Variants in RERE observed in about 807,000 individuals in gnomAD.
RERE encodes arginine-glutamic acid dipeptide repeats protein.
A neutral mutation model predicts 146.1 loss-of-function variants in RERE; 40 were observed. That is an observed-to-expected ratio of 0.27 (90% CI 0.21 to 0.36). The LOEUF is 0.36. RERE is among the 10% of genes least tolerant of loss of function. The pLI, the probability that RERE is intolerant of heterozygous loss-of-function variation, is 1.00. For synonymous variants in RERE, 1,003 were observed against 866.0 expected, an observed-to-expected ratio of 1.16 and a Z score of -2.78; for missense variants, 1,933 against 2,138.7, an observed-to-expected ratio of 0.90 and a Z score of 1.90.
At chr1:8,412,603 C>T (rs2124458479) in intron 12 of RERE, among the ~76,000 whole-genome samples, 1 of 152,352 alleles carries the variant, frequency 6.6e-6, no homozygotes, top group African/African-American at 2.4e-5. Flanking sequence ...CTGCTTAAGA[C>T]AGTATTTTAT....
intron 3 of RERE, among the ~76,000 whole-genome samples, chr1:8,620,860 T>C (rs1265653833): frequency 1.3e-5 from 2 of 151,770 alleles, no homozygotes; most frequent in Admixed American, 6.6e-5. Flanking sequence ...ATCAGACCTC[T>C]CCATTTGTAA....
rs1227025798 is a variant in RERE at position 8,693,187 on chromosome 1, TTTCTTACAAAACTAAACA to T, written c.-144-36764_-144-36747del. 1.1e-4 allele frequency among the ~76,000 whole-genome samples: 16 copies of T among 152,230 alleles called. No individual in the cohort carries two copies. The East Asian group carries it at 2.9e-3, about 28-fold the overall frequency. ...GACACCTCGCAAGACAGCATGGCCG[TTTCTTACAAAACTAAACA>T]TACTCTTACCATGGGACACAGAAAT... On this transcript the variant is annotated intron_variant, in intron 1 of 22. Coordinates refer to ENST00000400908, the MANE Select transcript of RERE (RefSeq NM_001042681.2).
At chr1:8,666,902 C>T (rs1638588040) in intron 1 of RERE, among the ~76,000 whole-genome samples, 1 of 152,176 alleles carries the variant, frequency 6.6e-6, no homozygotes, top group South Asian at 2.1e-4. Context: ...AATGAGTAAA[C>T]TCAATCAATC....
At position 8,423,692 on chromosome 1, in the gene RERE, G is replaced by A. The variant is rs1247916923; in HGVS notation, c.1204-885C>T. 3 of 982,624 alleles carry A rather than the reference G, an allele frequency of 3.1e-6. No homozygotes were observed. The highest frequency in any genetic ancestry group is 3.5e-5 in the African/African-American group (2 of 56,928). The allele number at this position is 982,624 out of a possible 1,614,324, so 60.9% of individuals were successfully genotyped here. A position where few individuals can be genotyped will look rare whatever the true frequency, so the allele number is the denominator to read the frequency against. On this transcript the variant is annotated intron_variant, in intron 11 of 22. Coordinates refer to ENST00000400908, the MANE Select transcript of RERE (RefSeq NM_001042681.2). The surrounding 1 kb of genome is among the most constrained non-coding windows in gnomAD (Gnocchi z 5.4). Reference sequence around the variant, plus strand: ...CACAAAGCGCAGGGCGGAGGCGGCCGCGGGTGGCTCGGCGTGTGACCGCGG... The same window carrying A: ...CACAAAGCGCAGGGCGGAGGCGGCCACGGGTGGCTCGGCGTGTGACCGCGG...
chr1:8,435,154 A>C (rs1299516444), intron 11 of RERE, among the ~76,000 whole-genome samples: 1 of 152,244 alleles, frequency 6.6e-6, no homozygotes, highest in Non-Finnish European at 1.5e-5. Context: ...GCAATCTTCC[A>C]ATGATGCTTC....
At chr1:8,474,743 C>T (rs980849649) in intron 10 of RERE, among the ~76,000 whole-genome samples, 1 of 152,110 alleles carries the variant, frequency 6.6e-6, no homozygotes, top group African/African-American at 2.4e-5. Flanking sequence ...TTCCCGTGAC[C>T]TTTTTAGATC....
intron 1 of RERE, among the ~76,000 whole-genome samples, chr1:8,775,211 AGCCTCCCAAAGT>A (rs1033377534): frequency 6.6e-6 from 1 of 151,838 alleles, no homozygotes; most frequent in Non-Finnish European, 1.5e-5. Flanking sequence ...CACCTGCCTC[AGCCTCCCAAAGT>A]GCTGGGATTA....
At chr1:8,538,488 T>C (rs1317610290) in intron 7 of RERE, among the ~76,000 whole-genome samples, 3 of 152,182 alleles carry the variant, frequency 2.0e-5, no homozygotes, top group Non-Finnish European at 4.4e-5. Flanking sequence ...TTTTGGATCA[T>C]TTGAGCAGCT....
intron 1 of RERE, among the ~76,000 whole-genome samples, chr1:8,751,779 A>T (rs1209825588): frequency 1.6e-5 from 1 of 62,710 alleles, no homozygotes; most frequent in African/African-American, 8.2e-5. Flanking sequence ...TTTCACTTTA[A>T]AAAAAAAAAA....
intron 4 of RERE, among the ~76,000 whole-genome samples, chr1:8,576,581 T>A (rs1159602901): frequency 6.6e-6 from 1 of 152,220 alleles, no homozygotes. Context: ...TACCTCATAC[T>A]GTATGATTCA....
rs1021304852 is a variant in RERE, at chr1:8,600,772, T to G, written c.522+13789A>C. On this transcript the variant is annotated intron_variant, in intron 4 of 22. Coordinates refer to ENST00000400908, the MANE Select transcript of RERE (RefSeq NM_001042681.2). ...ATACTTTTTTTTTTTTTTTTTTTTT[T>G]GAGACAGAATCTTGCTGTGTCACCC... Among the ~76,000 whole-genome samples the G allele has an allele frequency of 8.7e-5, 6 of 68,682 alleles. No individual in the cohort carries two copies. In the South Asian group the frequency reaches 1.8e-3, roughly 21 times the overall value. 45.1% of individuals were successfully genotyped at this position (68,682 alleles called of 152,430 possible).
chr1:8,726,021 AAAC>A (rs1210098381), intron 1 of RERE, among the ~76,000 whole-genome samples: 1 of 152,168 alleles, frequency 6.6e-6, no homozygotes, highest in African/African-American at 2.4e-5. Flanking sequence ...CAAGATTTGA[AAAC>A]AAAAGACATA....
chr1:8,616,439 C>T (rs374141794), intron 3 of RERE, among the ~76,000 whole-genome samples: 3 of 151,938 alleles, frequency 2.0e-5, no homozygotes, highest in African/African-American at 4.8e-5. Flanking sequence ...TCCATATATA[C>T]ATACAAATTA....
At position 8,480,115 on chromosome 1, in the gene RERE, A is replaced by G. The variant is rs182673558; in HGVS notation, c.1105-14092T>C. 1.4e-3 allele frequency among the ~76,000 whole-genome samples: 212 copies of G among 147,696 alleles called. 1 individual carries two copies. Among genetic ancestry groups the G allele is most frequent in the African/African-American group, 4.7e-3 (188 of 39,624 alleles). On this transcript the variant is annotated intron_variant, in intron 10 of 22. Coordinates refer to ENST00000400908, the MANE Select transcript of RERE (RefSeq NM_001042681.2). ...AAATAAATGAATATATGATTTTATTAAAGCCTTTTTTTGTTTTTTTTTTTT... is the reference window on the plus strand; with the variant it reads ...AAATAAATGAATATATGATTTTATTGAAGCCTTTTTTTGTTTTTTTTTTTT...
At position 8,747,400 on chromosome 1, in the gene RERE, C is replaced by A. The variant is rs75421268; in HGVS notation, c.-145+69760G>T. On this transcript the variant is annotated intron_variant, in intron 1 of 22. Transcript: ENST00000400908. ...TGGGAGGTGGGCAGGGAGAACAAGA[C>A]CTGTTAAGAACCTGCTAGGGTAACC... Among the ~76,000 whole-genome samples, 953 of 152,118 alleles carry A rather than the reference C, an allele frequency of 6.3e-3. 4 individuals are homozygous for A. Among genetic ancestry groups the A allele is most frequent in the Non-Finnish European group, 9.4e-3 (638 of 67,996 alleles).
intron 12 of RERE, among the ~76,000 whole-genome samples, chr1:8,394,714 A>G (rs1642994281): frequency 6.6e-6 from 1 of 152,196 alleles, no homozygotes; most frequent in African/African-American, 2.4e-5. Context: ...GAGTCACCCA[A>G]TTGCTTCAGA....
intron 4 of RERE, among the ~76,000 whole-genome samples, chr1:8,611,057 T>C (rs1570510282): frequency 2.0e-5 from 3 of 152,004 alleles, no homozygotes; most frequent in South Asian, 2.1e-4. Context: ...TTGCCAGGTG[T>C]GGTGGAATGC....
At chr1:8,807,381 CA>C (rs1459876836) in intron 1 of RERE, among the ~76,000 whole-genome samples, 1 of 152,090 alleles carries the variant, frequency 6.6e-6, no homozygotes, top group Non-Finnish European at 1.5e-5. Context: ...AAATACTTTG[CA>C]GTTCCGCCGC....
chr1:8,716,050 C>T (rs1177716236), intron 1 of RERE, among the ~76,000 whole-genome samples: 4 of 151,052 alleles, frequency 2.6e-5, no homozygotes, highest in African/African-American at 4.9e-5. Flanking sequence ...GAGACTGAGG[C>T]GGGAGGATCC....
Sources: allele counts gnomAD v4.1 joint callset (sites outside exome capture counted in the v4.1 genomes callset), GRCh38; gene constraint gnomAD v4.1.1; non-coding constraint Gnocchi (gnomAD v3.1); transcripts MANE v1.5; gene names NCBI Gene and HGNC (gene_info 2026-07-23, HGNC 2026-07-21).